The following RALGPS1 variants were observed in gnomAD, a reference collection of about 807,000 sequenced individuals.
RALGPS1 encodes the protein ras-specific guanine nucleotide-releasing factor RalGPS1.
In RALGPS1, 19 loss-of-function variants were observed where a neutral mutation model predicts 78.8. That is an observed-to-expected ratio of 0.24 (90% CI 0.17 to 0.35). The LOEUF is 0.35. Ranked by LOEUF, RALGPS1 falls within the 10% of genes least tolerant of loss-of-function variation. The pLI is 1.00. For synonymous variants in RALGPS1, 228 were observed against 256.3 expected, an observed-to-expected ratio of 0.89 and a Z score of 1.06; for missense variants, 454 against 688.3, an observed-to-expected ratio of 0.66 and a Z score of 3.81.
At chr9:127,040,414 A>G (rs1032799950) in intron 5 of RALGPS1, among the ~76,000 whole-genome samples, 4 of 152,192 alleles carry the variant, frequency 2.6e-5, no homozygotes, top group South Asian at 2.1e-4. Context: ...AAGAAAAGAA[A>G]AGGCTGAAGT....
intron 11 of RALGPS1, among the ~76,000 whole-genome samples, chr9:127,192,003 G>T (rs1461431412): frequency 8.5e-5 from 13 of 152,300 alleles, no homozygotes; most frequent in Non-Finnish European, 1.9e-4. Flanking sequence ...GGCCTCCACT[G>T]GGATTTTAAG....
intron 8 of RALGPS1, among the ~76,000 whole-genome samples, chr9:127,093,576 T>A (rs956049139): frequency 6.6e-6 from 1 of 152,204 alleles, no homozygotes. Context: ...CCTGTCTGCA[T>A]CCTTCTCGCC....
intron 4 of RALGPS1, among the ~76,000 whole-genome samples, chr9:127,010,447 A>C (rs2044236893): frequency 6.6e-6 from 1 of 152,030 alleles, no homozygotes; most frequent in South Asian, 2.1e-4. Context: ...CCTGGATTCC[A>C]CCCCTGGCTG....
At chr9:127,125,051 G>C (rs2056509087) in intron 8 of RALGPS1, among the ~76,000 whole-genome samples, 1 of 152,208 alleles carries the variant, frequency 6.6e-6, no homozygotes, top group Non-Finnish European at 1.5e-5. Context: ...TGGGCACTGG[G>C]GAGCTCAGGA....
intron 8 of RALGPS1, chr9:127,069,946 G>C (rs542428162): frequency 6.6e-6 from 1 of 151,768 alleles, no homozygotes; most frequent in Admixed American, 6.6e-5. Flanking sequence ...TCTACTTTTC[G>C]ATGCTATGAC....
At chr9:127,175,121 G>A (rs1231335175) in intron 11 of RALGPS1, among the ~76,000 whole-genome samples, 2 of 152,226 alleles carry the variant, frequency 1.3e-5, no homozygotes, top group East Asian at 3.8e-4. Flanking sequence ...CCCTTAGCGG[G>A]GCTGCTGCCC....
chr9:127,005,846 T>C (rs1454308562), intron 4 of RALGPS1, among the ~76,000 whole-genome samples: 2 of 152,254 alleles, frequency 1.3e-5, no homozygotes, highest in African/African-American at 2.4e-5. Flanking sequence ...TTTTAGCCAC[T>C]CTGCCTTCTA....
At chr9:126,939,770 A>G (rs951750402) in intron 1 of RALGPS1, among the ~76,000 whole-genome samples, 2 of 152,176 alleles carry the variant, frequency 1.3e-5, no homozygotes, top group African/African-American at 4.8e-5. Flanking sequence ...CAGAGCTCTT[A>G]TGGTTGAGCA....
At chr9:127,140,599 A>T (rs2057704850) in intron 8 of RALGPS1, among the ~76,000 whole-genome samples, 2 of 152,340 alleles carry the variant, frequency 1.3e-5, no homozygotes, top group South Asian at 4.1e-4. Context: ...GTGTATGTTT[A>T]TGTGGAGGAC....
chr9:127,169,738 T>C (rs1015273580), intron 10 of RALGPS1, among the ~76,000 whole-genome samples: 4 of 152,170 alleles, frequency 2.6e-5, no homozygotes, highest in African/African-American at 9.6e-5. Flanking sequence ...TGAGTACCCA[T>C]ACAGCCATTC....
At chr9:127,092,257 C>T (rs939907444) in intron 8 of RALGPS1, among the ~76,000 whole-genome samples, 1 of 152,200 alleles carries the variant, frequency 6.6e-6, no homozygotes, top group African/African-American at 2.4e-5. Flanking sequence ...GGGCCTGGCA[C>T]TAAGTAGGCA....
intron 4 of RALGPS1, among the ~76,000 whole-genome samples, chr9:127,029,894 G>T (rs181957723): frequency 6.6e-6 from 1 of 152,204 alleles, no homozygotes; most frequent in African/African-American, 2.4e-5. Flanking sequence ...TCATGGTGGG[G>T]TGGCCCAGAG....
chr9:127,157,446 G>A (rs965571853), intron 8 of RALGPS1, among the ~76,000 whole-genome samples: 1 of 152,008 alleles, frequency 6.6e-6, no homozygotes, highest in Non-Finnish European at 1.5e-5. Context: ...CCTTTATTTA[G>A]TAAAATGGAT....
intron 7 of RALGPS1, among the ~76,000 whole-genome samples, chr9:127,068,684 TG>T (rs2049923863): frequency 6.6e-6 from 1 of 152,148 alleles, no homozygotes; most frequent in Admixed American, 6.5e-5. Flanking sequence ...GAGCTGGTGG[TG>T]TTAGACAACA....
chr9:126,916,807 G>T (rs943524097), intron 1 of RALGPS1, among the ~76,000 whole-genome samples: 24 of 151,920 alleles, frequency 1.6e-4, no homozygotes, highest in African/African-American at 5.8e-4. Flanking sequence ...ATCCCCAAAA[G>T]AAGACCCCCA....
chr9:126,989,626 C>T (rs1298841390), intron 4 of RALGPS1, among the ~76,000 whole-genome samples: 1 of 152,152 alleles, frequency 6.6e-6, no homozygotes, highest in African/African-American at 2.4e-5. Flanking sequence ...TCCCTCTAGT[C>T]CTCATTGTCT....
chr9:126,965,795 T>G (rs2039430659), intron 2 of RALGPS1, 49 bp from the exon 3 acceptor site: 3 of 1,442,404 alleles, frequency 2.1e-6, no homozygotes, highest in Admixed American at 1.7e-5. Flanking sequence ...GAGGCAATGA[T>G]TCCACGTCAT....
chr9:126,990,207 A>T, intron 4 of RALGPS1: 2 of 559,156 alleles, frequency 3.6e-6, no homozygotes, highest in Non-Finnish European at 6.1e-6. Flanking sequence ...CATCATTAAA[A>T]CCCCTCTCTC....
At chr9:127,193,038 G>A (rs910211108) in intron 11 of RALGPS1, among the ~76,000 whole-genome samples, 1 of 152,216 alleles carries the variant, frequency 6.6e-6, no homozygotes, top group African/African-American at 2.4e-5. Context: ...CCATTTGCTG[G>A]GAAAAGATCC....
Sources: allele counts gnomAD v4.1 joint callset (sites outside exome capture counted in the v4.1 genomes callset), GRCh38; gene constraint gnomAD v4.1.1; transcripts MANE v1.5; gene names NCBI Gene and HGNC (gene_info 2026-07-23, HGNC 2026-07-21).